Variants in ACRBP observed in about 807,000 individuals in gnomAD.
ACRBP encodes the protein acrosin binding protein.
A neutral mutation model predicts 69.0 loss-of-function variants in ACRBP; 52 were observed. The observed-to-expected ratio is 0.75, with a 90% CI of 0.60 to 0.95. The LOEUF is 0.95. Ranked by LOEUF, ACRBP falls within the 40% of genes least tolerant of loss-of-function variation. ACRBP has a pLI of 0.00. For synonymous variants in ACRBP, 267 were observed against 258.9 expected (o/e 1.03, Z -0.30); for missense variants, 604 against 673.0 (o/e 0.90, Z 1.13).
At position 6,646,984 on chromosome 12, in the gene ACRBP, T is replaced by TGC. The variant is rs776106927; in HGVS notation, c.70_71dup (p.Ala25GlnfsTer27). On this transcript the variant is annotated frameshift_variant, in exon 2 of 10. Coordinates refer to ENST00000229243, the MANE Select transcript of ACRBP (RefSeq NM_032489.3). LOFTEE classifies it high-confidence loss of function. ...TGGAGGCCTGAGTCGAATCCTGGGC[T>TGC]GCGGCAGGTGCCAGAGGCAGGAGCA... 6.2e-7 allele frequency: 1 copy of TGC among 1,611,382 alleles called. No individual in the cohort carries two copies. The highest frequency in any genetic ancestry group is 1.3e-5 in the African/African-American group (1 of 74,874).
At chr12:6,646,374 G>T in intron 3 of ACRBP, 109 bp downstream of exon 3, 1 of 940,992 alleles carries the variant, frequency 1.1e-6, no homozygotes, top group Non-Finnish European at 1.7e-6. Context: ...AAATGGCAGG[G>T]AAGGAGGAGC....
chr12:6,643,104 A>T (rs1396343330), intron 6 of ACRBP, among the ~76,000 whole-genome samples: 2 of 152,096 alleles, frequency 1.3e-5, no homozygotes, highest in South Asian at 4.1e-4. Flanking sequence ...ATAAAAAAAA[A>T]TTTAGCCAGG....
In ACRBP at chr12:6,644,517, GC is replaced by G. The variant is rs1949074772; in HGVS notation, c.563del (p.Gly188AlafsTer88). The G allele has an allele frequency of 6.2e-7, 1 of 1,613,856 alleles. No individual in the cohort carries two copies. Among genetic ancestry groups the G allele is most frequent in the Admixed American group, 1.7e-5 (1 of 59,956 alleles). ...GCTTGTGCTCTGGCGCTTGCTCCTG[GC>G]CTCCCAGGGACAAGGAGGATTGTAG... ...ELLQSSLSLG[G>X]QEQAPEHKQE... On this transcript the variant is annotated frameshift_variant, in exon 5 of 10. Transcript: ENST00000229243. LOFTEE classifies it high-confidence loss of function.
intron 4 of ACRBP, 40 bp from the exon 5 acceptor site, chr12:6,644,645 G>A: frequency 6.4e-7 from 1 of 1,559,018 alleles, no homozygotes; most frequent in Non-Finnish European, 8.7e-7. Context: ...AGACAGTCAG[G>A]CTTCTAGCCC....
At chr12:6,646,718 G>A in intron 2 of ACRBP, 76 bp downstream of exon 2, 1 of 1,570,402 alleles carries the variant, frequency 6.4e-7, no homozygotes, top group Non-Finnish European at 8.7e-7. Context: ...CGCCTCACAT[G>A]AGCACAGGGG....
chr12:6,642,778 T>C (rs548841445), intron 6 of ACRBP, among the ~76,000 whole-genome samples: 1 of 152,326 alleles, frequency 6.6e-6, no homozygotes, highest in Admixed American at 6.5e-5. Flanking sequence ...TGCTAAATTG[T>C]ATTATTTGTG....
rs1251781607 is a variant in ACRBP, at chr12:6,646,927, G to A, written c.129C>T (p.Tyr43=). 2 of 1,614,002 alleles carry A rather than the reference G, an allele frequency of 1.2e-6. No individual in the cohort carries two copies. Among genetic ancestry groups the A allele is most frequent in the East Asian group, 2.2e-5 (1 of 44,884 alleles). ...GAGTCAGCAGTGCGAAGAAGCGTTCGTATTCGGTAGGAGAGAGAGGGCTGC... is the reference window on the plus strand; with the variant it reads ...GAGTCAGCAGTGCGAAGAAGCGTTCATATTCGGTAGGAGAGAGAGGGCTGC... ...TPGSPLSPTE[Y]ERFFALLTPT... Residue 43 remains tyrosine, a synonymous_variant, in exon 2 of 10, where the codon TAC becomes TAT. Coordinates refer to ENST00000229243, the MANE Select transcript of ACRBP (RefSeq NM_032489.3).
In ACRBP at chr12:6,640,290, C is replaced by T; in HGVS notation, c.1257+53G>A. ...CCCCACCTGCTGGCCACCACCACCC[C>T]ACCCCTGCCACCCAGTTCTGCCTTT... On this transcript the variant is annotated intron_variant, in intron 7 of 9. Coordinates refer to ENST00000229243, the MANE Select transcript of ACRBP (RefSeq NM_032489.3). This position sits in a 1 kb window ranked among gnomAD's most constrained non-coding sequence, Gnocchi z 5.3. 2 of 1,612,684 alleles carry T rather than the reference C, an allele frequency of 1.2e-6. No homozygotes were observed. Among genetic ancestry groups the T allele is most frequent in the Non-Finnish European group, 1.7e-6 (2 of 1,178,968 alleles).
chr12:6,644,383 T>C lies in ACRBP; in HGVS notation c.698A>G (p.Glu233Gly). The C allele has an allele frequency of 6.2e-7, 1 of 1,613,978 alleles. No individual in the cohort carries two copies. The highest frequency in any genetic ancestry group is 1.1e-5 in the South Asian group (1 of 91,066). The change falls in exon 5 of 10, where the codon GAA (glutamate) becomes GGA (glycine). Residue 233 changes from glutamate to glycine, a missense_variant. Physicochemically the swap from Glu to Gly is moderately conservative, Grantham distance 98 (BLOSUM62 -2). Around this residue, in one of 3 missense-constraint regions of ACRBP, gnomAD observed 532 missense variants for 562.9 expected, o/e 0.95. Transcript: ENST00000229243. Reference protein sequence around the residue: ...EEEQEEEGKQEEGQGTKEGRE... With the variant: ...EEEQEEEGKQGEGQGTKEGRE... ...TCCCTCCTTAGTCCCCTGTCCTTCTTCCTGCTTTCCCTCCTCTTCCTGTTC... is the reference window on the plus strand; with the variant it reads ...TCCCTCCTTAGTCCCCTGTCCTTCTCCCTGCTTTCCCTCCTCTTCCTGTTC...
chr12:6,638,529 G>A, intron 9 of ACRBP, 125 bp from the exon 10 acceptor site: 4 of 1,375,478 alleles, frequency 2.9e-6, no homozygotes, highest in South Asian at 1.2e-5. Flanking sequence ...GGCAGTAGAG[G>A]GAAGGAGGAA....
In ACRBP at chr12:6,646,578, C is replaced by G; in HGVS notation, c.263-1G>C. The G allele has an allele frequency of 6.2e-7, 1 of 1,613,832 alleles. No homozygotes were observed. The highest frequency in any genetic ancestry group is 8.5e-7 in the Non-Finnish European group (1 of 1,179,810). On this transcript the variant is annotated splice_acceptor_variant, in intron 2 of 9. Transcript: ENST00000229243. LOFTEE classifies it high-confidence loss of function. ...TAAGGGAGGTTGGAGCAGACAGCAC[C>G]TGAGAAAGGGCAGGGGTGGAGAAGA...
chr12:6,646,567 G>A lies in ACRBP; in HGVS notation c.273C>T (p.Cys91=), dbSNP rs930440159. 6.2e-7 allele frequency: 1 copy of A among 1,614,140 alleles called. No individual in the cohort carries two copies. Residue 91 remains cysteine (C), a synonymous_variant, in exon 3 of 10, where the codon TGC becomes TGT. Transcript: ENST00000229243. ...ACCAGGAGGCATAAGGGAGGTTGGA[G>A]CAGACAGCACCTGAGAAAGGGCAGG... ...NHGLVPDGAV[C]SNLPYASWFE... is the part of the protein sequence containing the mutation.
rs1031610848 is a variant in ACRBP, at chr12:6,645,096, T to C, written c.475+124A>G. ...GCTGACACTCCTTTGTGTAAACAGC[T>C]GTCTGCTGGCGCCCCCTTCCCGCCC... On this transcript the variant is annotated intron_variant, in intron 4 of 9. Transcript: ENST00000229243. 12 of 714,628 alleles carry C rather than the reference T, an allele frequency of 1.7e-5. No individual in the cohort carries two copies. The Admixed American group carries it at 3.0e-4, about 18-fold the overall frequency. The allele number at this position is 714,628 out of a possible 1,614,324, so 44.3% of individuals were successfully genotyped here. A position where few individuals can be genotyped will look rare whatever the true frequency, so the allele number is the denominator to read the frequency against.
At position 6,645,356 on chromosome 12, in the gene ACRBP, A is replaced by G. The variant is rs1332734933; in HGVS notation, c.358-19T>C. The G allele has an allele frequency of 2.5e-6, 4 of 1,588,742 alleles. No individual in the cohort carries two copies. The African/African-American group carries it at 5.4e-5, about 21-fold the overall frequency. ...GGACTCTCTGCAGGAAGAGAAGGAA[A>G]ATGGGAAAGCCTTTCCTAAAGGGCA... On this transcript the variant is annotated intron_variant, in intron 3 of 9. Transcript: ENST00000229243.
At chr12:6,646,647 C>A (rs1173249605) in intron 2 of ACRBP, 70 bp from the exon 3 acceptor site, 1 of 1,527,882 alleles carries the variant, frequency 6.5e-7, no homozygotes, top group Non-Finnish European at 9.1e-7. Flanking sequence ...GCAATGGACT[C>A]CACGCCATGG....
At chr12:6,645,373 T>A in intron 3 of ACRBP, 36 bp from the exon 4 acceptor site, 1 of 1,514,202 alleles carries the variant, frequency 6.6e-7, no homozygotes, top group Non-Finnish European at 9.2e-7. Context: ...AAGCCTTTCC[T>A]AAAGGGCAGA....
In ACRBP at chr12:6,646,506, A is replaced by C. The variant is rs769679577; in HGVS notation, c.334T>G (p.Ser112Ala). Residue 112 changes from serine (S) to alanine (A), a missense_variant, in exon 3 of 10, where the codon TCC (serine) becomes GCC (alanine). Around this residue, in one of 3 missense-constraint regions of ACRBP, gnomAD observed 532 missense variants for 562.9 expected, o/e 0.95. Transcript: ENST00000229243. Reference sequence around the variant, plus strand: ...ACCTTGGCATAGTAGACGTGGTTGGAGCAACGGTAGTGAGTGAACTGGCAG... The same window carrying C: ...ACCTTGGCATAGTAGACGTGGTTGGCGCAACGGTAGTGAGTGAACTGGCAG... ...SFCQFTHYRC[S>A]NHVYYAKRVL... 6.2e-7 allele frequency: 1 copy of C among 1,614,032 alleles called. No homozygotes were observed. The highest frequency in any genetic ancestry group is 1.7e-5 in the Admixed American group (1 of 59,990).
rs1220795455 is a variant in ACRBP at position 6,645,132 on chromosome 12, C to G, written c.475+88G>C. 9 of 1,057,418 alleles carry G rather than the reference C, an allele frequency of 8.5e-6. No homozygotes were observed. In the African/African-American group the frequency reaches 1.5e-4, roughly 17 times the overall value. 65.5% of individuals were successfully genotyped at this position (1,057,418 alleles called of 1,614,324 possible). On this transcript the variant is annotated intron_variant, in intron 4 of 9. Coordinates refer to ENST00000229243, the MANE Select transcript of ACRBP (RefSeq NM_032489.3). The stretch of plus-strand genomic sequence containing the variant: ...GCCCCCTTCCCGCCCAACATGCTTC[C>G]CATTTCCCTGCCATGGATGCCTTAC...
chr12:6,638,134 C>G lies in ACRBP; in HGVS notation c.*148G>C. On this transcript the variant is annotated 3_prime_UTR_variant, in exon 10 of 10. Transcript: ENST00000229243. ...AGGAGGGCGCAGCTCCCACCGTGGC[C>G]CTCTCTGGGACTGTTGCTCCAACCC... 1.8e-6 allele frequency: 2 copies of G among 1,126,790 alleles called. No individual in the cohort carries two copies. Among genetic ancestry groups the G allele is most frequent in the Non-Finnish European group, 2.5e-6 (2 of 788,450 alleles). 69.8% of individuals were successfully genotyped at this position (1,126,790 alleles called of 1,614,324 possible).
Sources: gnomAD v4.1 joint callset for allele counts (sites outside exome capture counted in the v4.1 genomes callset) on GRCh38, gnomAD v4.1.1 for gene constraint, gnomAD v4.1.1 regional missense constraint, Gnocchi (gnomAD v3.1) non-coding constraint, MANE v1.5 for transcripts, NCBI Gene and HGNC (gene_info 2026-07-23, HGNC 2026-07-21) for gene names.